Variants in ZYG11A observed in about 807,000 individuals in gnomAD.
The protein encoded by ZYG11A is zyg-11 family member A, cell cycle regulator.
ZYG11A carries 62 observed loss-of-function variants against 77.2 expected under a neutral mutation model. The ratio of observed to expected loss-of-function variants is 0.80; its 90% CI spans 0.65 to 0.99. The LOEUF is 0.99. Among genes scored for constraint, ZYG11A ranks in the 50% least tolerant of loss-of-function variants. ZYG11A has a pLI of 0.00. For synonymous variants in ZYG11A, 315 were observed against 324.6 expected (o/e 0.97, Z 0.32); for missense variants, 828 against 896.8 (o/e 0.92, Z 0.98).
intron 6 of ZYG11A, 93 bp from the exon 7 acceptor site, chr1:52,867,446 T>C: frequency 1.2e-6 from 1 of 852,662 alleles, no homozygotes; most frequent in South Asian, 1.6e-5. Flanking sequence ...CTGTTTTCAT[T>C]ATAGGATTAC....
rs1341098028 is a variant in ZYG11A, at chr1:52,894,186, C to CT, written c.*1231dup. ...ATGACATGCTGTGTATGTGAGTGAG[C>CT]TTGTAGGGCGTGGTGGGACTTAGGC... On this transcript the variant is annotated 3_prime_UTR_variant, in exon 14 of 14. Transcript: ENST00000371528. 6.6e-6 allele frequency: 1 copy of CT among 152,030 alleles called. No homozygotes were observed. The allele number at this position is 152,030 out of a possible 1,614,324, so 9.4% of individuals were successfully genotyped here. A position where few individuals can be genotyped will look rare whatever the true frequency, so the allele number is the denominator to read the frequency against.
chr1:52,870,870 A>T (rs1180839490), intron 8 of ZYG11A, among the ~76,000 whole-genome samples: 3 of 148,436 alleles, frequency 2.0e-5, no homozygotes, highest in Non-Finnish European at 3.0e-5. Flanking sequence ...GGAGAGGGAG[A>T]CCGTGGGGAG....
chr1:52,869,610 A>G (rs2925652), intron 8 of ZYG11A, among the ~76,000 whole-genome samples: 71,718 of 151,592 alleles, frequency 0.47, 18,481 homozygotes, highest in Non-Finnish European at 0.59. Flanking sequence ...TTTTCTTAGT[A>G]CAGAACAAAA....
intron 10 of ZYG11A, among the ~76,000 whole-genome samples, chr1:52,878,472 A>G (rs1646300940): frequency 6.6e-6 from 1 of 152,202 alleles, no homozygotes; most frequent in South Asian, 2.1e-4. Context: ...CTAATGTTTC[A>G]TAGGACAACA....
At chr1:52,867,997 C>G in intron 8 of ZYG11A, among the ~76,000 whole-genome samples, 1 of 120,494 alleles carries the variant, frequency 8.3e-6, no homozygotes, top group South Asian at 2.8e-4. Context: ...GACAGAGTCT[C>G]ACTCTGTCGC....
At chr1:52,865,936 T>G (rs1031703983) in intron 5 of ZYG11A, among the ~76,000 whole-genome samples, 6 of 142,420 alleles carry the variant, frequency 4.2e-5, no homozygotes, top group Non-Finnish European at 9.2e-5. Flanking sequence ...AAAGGGAGTT[T>G]TTTTTTTTTT....
intron 12 of ZYG11A, among the ~76,000 whole-genome samples, 200 bp downstream of exon 12, chr1:52,886,094 G>A (rs925609665): frequency 3.3e-5 from 5 of 152,076 alleles, no homozygotes; most frequent in South Asian, 2.1e-4. Flanking sequence ...CACCATGCCC[G>A]GCTAATTTTT....
At position 52,877,730 on chromosome 1, in the gene ZYG11A, G is replaced by A. The variant is rs1315004629; in HGVS notation, c.1591G>A (p.Val531Ile). 1 of 1,552,048 alleles carries A rather than the reference G, an allele frequency of 6.4e-7. No homozygotes were observed. Among genetic ancestry groups the A allele is most frequent in the Admixed American group, 2.0e-5 (1 of 50,982 alleles). Residue 531 changes from valine to isoleucine, a missense_variant, in exon 9 of 14, where the codon GTC becomes ATC. Physicochemically the swap from Val to Ile is conservative, Grantham distance 29. Coordinates refer to ENST00000371528, the MANE Select transcript of ZYG11A (RefSeq NM_001004339.3). ...AAAGACTACTGAGAATTTAGATGAT[G>A]TCACCTTCTTGTTTACTTTGAAAGC... is the stretch of plus-strand genomic sequence containing the variant. The part of the protein sequence containing the change: ...KQKTTENLDD[V>I]TFLFTLKALW...
chr1:52,857,434 G>C lies in ZYG11A; in HGVS notation c.693G>C (p.Lys231Asn), dbSNP rs1312905951. Residue 231 changes from lysine (K) to asparagine (N), a missense_variant, in exon 3 of 14, where the codon AAG becomes AAC. By Grantham distance (94) the Lys-to-Asn change is moderately conservative. Coordinates refer to ENST00000371528, the MANE Select transcript of ZYG11A (RefSeq NM_001004339.3). Reference protein sequence around the residue: ...SALLTCKDRLKSLTMHYLKCL... With the variant: ...SALLTCKDRLNSLTMHYLKCL... Reference sequence around the variant, plus strand: ...TGCTTACCTGTAAGGATCGATTGAAGTCTCTCACAATGCACTATCTGAAAT... The same window carrying C: ...TGCTTACCTGTAAGGATCGATTGAACTCTCTCACAATGCACTATCTGAAAT... The C allele has an allele frequency of 6.4e-7, 1 of 1,552,106 alleles. No individual in the cohort carries two copies. The highest frequency in any genetic ancestry group is 8.7e-7 in the Non-Finnish European group (1 of 1,147,084).
chr1:52,878,133 T>C (rs1646295524), intron 10 of ZYG11A, among the ~76,000 whole-genome samples, 164 bp downstream of exon 10: 1 of 152,262 alleles, frequency 6.6e-6, no homozygotes, highest in African/African-American at 2.4e-5. Flanking sequence ...ATATCAGTTA[T>C]CTATTGTTGT....
At chr1:52,873,877 G>A (rs903362092) in intron 8 of ZYG11A, among the ~76,000 whole-genome samples, 3 of 151,910 alleles carry the variant, frequency 2.0e-5, no homozygotes, top group African/African-American at 4.8e-5. Flanking sequence ...CCAGCTACTC[G>A]GGAGGCTGAG....
At chr1:52,883,592 A>G (rs1416675854) in intron 11 of ZYG11A, among the ~76,000 whole-genome samples, 2 of 150,942 alleles carry the variant, frequency 1.3e-5, no homozygotes, top group East Asian at 3.9e-4. Flanking sequence ...ACACCTAGCT[A>G]ACTTTTGTAC....
At chr1:52,861,917 A>G (rs1224068508) in intron 4 of ZYG11A, among the ~76,000 whole-genome samples, 1 of 152,020 alleles carries the variant, frequency 6.6e-6, no homozygotes, top group African/African-American at 2.4e-5. Flanking sequence ...AAGAAAAAAA[A>G]TTAGCTTCTG....
intron 8 of ZYG11A, among the ~76,000 whole-genome samples, chr1:52,870,983 TTATC>T (rs1360937446): frequency 5.3e-5 from 8 of 152,188 alleles, no homozygotes; most frequent in African/African-American, 1.7e-4. Context: ...ATTTTACTGT[TTATC>T]TATTTTTAAT....
chr1:52,844,402 G>C (rs946100164), intron 1 of ZYG11A, among the ~76,000 whole-genome samples: 1 of 152,148 alleles, frequency 6.6e-6, no homozygotes, highest in African/African-American at 2.4e-5. Context: ...ATCGTCTCAA[G>C]CACATTTTTT....
chr1:52,885,653 C>T (rs1376155090), intron 11 of ZYG11A, among the ~76,000 whole-genome samples, 180 bp from the exon 12 acceptor site: 3 of 148,452 alleles, frequency 2.0e-5, no homozygotes, highest in Admixed American at 6.8e-5. Flanking sequence ...AACAGATGCC[C>T]CTTGTTCTTG....
At chr1:52,874,047 A>G (rs1310360358) in intron 8 of ZYG11A, among the ~76,000 whole-genome samples, 2 of 152,126 alleles carry the variant, frequency 1.3e-5, no homozygotes, top group African/African-American at 4.8e-5. Context: ...AGGAAGGGTC[A>G]ATTGATGGGG....
intron 5 of ZYG11A, 57 bp downstream of exon 5, chr1:52,864,214 T>A (rs1000325222): frequency 1.3e-6 from 2 of 1,500,208 alleles, no homozygotes; most frequent in Non-Finnish European, 1.8e-6. Flanking sequence ...TAGTCTCAGC[T>A]CTGTTGCCCA....
At chr1:52,868,284 A>C (rs114463652) in intron 8 of ZYG11A, among the ~76,000 whole-genome samples, 2,536 of 152,192 alleles carry the variant, frequency 0.017, 27 homozygotes, top group Non-Finnish European at 0.024. Flanking sequence ...ATTTCTAAAT[A>C]AAATGCATAT....
Sources: allele counts gnomAD v4.1 joint callset (sites outside exome capture counted in the v4.1 genomes callset), GRCh38; gene constraint gnomAD v4.1.1; transcripts MANE v1.5; gene names NCBI Gene and HGNC (gene_info 2026-07-23, HGNC 2026-07-21).